Variants in ZMYM6 observed in about 807,000 individuals in gnomAD.
ZMYM6 encodes zinc finger MYM-type containing 6.
A neutral mutation model predicts 134.0 loss-of-function variants in ZMYM6; 90 were observed. The observed-to-expected ratio is 0.67, with a 90% CI of 0.57 to 0.80. ZMYM6 has a LOEUF of 0.80. Ranked by LOEUF, ZMYM6 falls within the 30% of genes least tolerant of loss-of-function variation. ZMYM6 has a pLI of 0.00. For missense variants in ZMYM6, 1,362 were observed against 1,533.9 expected (o/e 0.89, Z 1.87); for synonymous variants, 481 against 524.1 (o/e 0.92, Z 1.12).
rs111811917 is a variant in ZMYM6, at chr1:35,010,987, G to A, written c.1112C>T (p.Ser371Phe). ...KGTNSSAVPL[S>F]QGQVVVSPPS... is the part of the protein sequence containing the mutation. ...CGGGCTTACAACCACTTGGCCCTGAGACAGGGGCACCGCCGAAGAGTTTGT... is the reference window on the plus strand; with the variant it reads ...CGGGCTTACAACCACTTGGCCCTGAAACAGGGGCACCGCCGAAGAGTTTGT... The change falls in exon 9 of 16, where the codon TCT becomes TTT. Residue 371 changes from serine to phenylalanine, a missense_variant. Ser to Phe is a radical substitution (Grantham distance 155, BLOSUM62 -2). Around this residue, in one of 3 missense-constraint regions of ZMYM6, gnomAD observed 503 missense variants for 520.8 expected, o/e 0.97. Coordinates refer to ENST00000357182, the MANE Select transcript of ZMYM6 (RefSeq NM_007167.4). 580 of 1,613,892 alleles carry A rather than the reference G, an allele frequency of 3.6e-4. 1 individual carries two copies. Among genetic ancestry groups the A allele is most frequent in the Non-Finnish European group, 4.7e-4 (550 of 1,180,022 alleles).
chr1:35,001,784 A>G (rs1393383660), intron 14 of ZMYM6, among the ~76,000 whole-genome samples: 1 of 152,208 alleles, frequency 6.6e-6, no homozygotes, highest in Non-Finnish European at 1.5e-5. Flanking sequence ...AGAAATTACT[A>G]TCATCTTCCA....
chr1:35,025,263 T>C (rs1569796987), intron 2 of ZMYM6, among the ~76,000 whole-genome samples: 1 of 149,382 alleles, frequency 6.7e-6, no homozygotes, highest in Admixed American at 6.6e-5. Flanking sequence ...GCAGGTAGAG[T>C]TCGAGACCAG....
intron 14 of ZMYM6, among the ~76,000 whole-genome samples, chr1:34,995,046 T>TACGTATATATATGTAATATATA (rs1557560755): frequency 3.9e-5 from 5 of 129,534 alleles, no homozygotes; most frequent in Non-Finnish European, 6.3e-5. Context: ...ATATATATAC[T>TACGTATATATATGTAATATATA]TACATACGTA....
Position 35,007,190 on chromosome 1 carries a change from A to G in ZMYM6, c.1666-92T>C. On this transcript the variant is annotated intron_variant, in intron 11 of 15. Transcript: ENST00000357182. The stretch of plus-strand genomic sequence containing the variant: ...TAAAAAGAGGGACTACGAAAACAGG[A>G]TATATGAGTCAGTTGAGACTACAAA... 3 of 1,316,242 alleles carry G rather than the reference A, an allele frequency of 2.3e-6. No individual in the cohort carries two copies. In the Admixed American group the frequency reaches 7.9e-5, roughly 35 times the overall value. The allele number at this position is 1,316,242 out of a possible 1,614,324, so 81.5% of individuals were successfully genotyped here.
At chr1:35,004,481 C>CACTT (rs1298826567) in intron 13 of ZMYM6, among the ~76,000 whole-genome samples, 4 of 152,012 alleles carry the variant, frequency 2.6e-5, no homozygotes, top group African/African-American at 9.7e-5. Flanking sequence ...TAGTGGCAGG[C>CACTT]ACTTGTAAAC....
chr1:34,994,526 C>T (rs1640741638), intron 14 of ZMYM6, among the ~76,000 whole-genome samples: 1 of 152,018 alleles, frequency 6.6e-6, no homozygotes, highest in Admixed American at 6.6e-5. Context: ...GAGAATGATA[C>T]ATTTGGAGAG....
intron 2 of ZMYM6, among the ~76,000 whole-genome samples, chr1:35,029,100 G>T (rs1002105462): frequency 6.6e-6 from 1 of 152,218 alleles, no homozygotes. Flanking sequence ...GCTGAGGCAG[G>T]AGAATCACTT....
chr1:35,023,062 T>A (rs1641340764), intron 2 of ZMYM6, among the ~76,000 whole-genome samples: 1 of 152,036 alleles, frequency 6.6e-6, no homozygotes, highest in Non-Finnish European at 1.5e-5. Flanking sequence ...GAATGACATC[T>A]TACAGTTAGT....
intron 10 of ZMYM6, among the ~76,000 whole-genome samples, chr1:35,009,977 T>A (rs1173812024): frequency 6.6e-6 from 1 of 152,114 alleles, no homozygotes; most frequent in Non-Finnish European, 1.5e-5. Flanking sequence ...AAAGATTGAC[T>A]TTAAAGTGAA....
In ZMYM6 at chr1:35,019,520, A is replaced by G. The variant is rs745432007; in HGVS notation, c.261T>C (p.Ala87=). ...TACAACCAGAACAAAAAACCTTAAT[A>G]GCAACAGCTGGAACTGAAGGAAGCA... The part of the protein sequence containing the change: ...SVLLPSVPAV[A]IKVFCSGCKK... Residue 87 remains alanine (A), a synonymous_variant, in exon 4 of 16, where the codon GCT becomes GCC. Coordinates refer to ENST00000357182, the MANE Select transcript of ZMYM6 (RefSeq NM_007167.4). The G allele has an allele frequency of 5.0e-6, 8 of 1,614,214 alleles. No individual in the cohort carries two copies. The highest frequency in any genetic ancestry group is 6.8e-6 in the Non-Finnish European group (8 of 1,180,032).
At chr1:35,027,457 T>C (rs1282611603) in intron 2 of ZMYM6, among the ~76,000 whole-genome samples, 1 of 151,938 alleles carries the variant, frequency 6.6e-6, no homozygotes, top group East Asian at 1.9e-4. Flanking sequence ...AAATGAAAAA[T>C]AATGAAATAG....
chr1:35,010,666 T>A, intron 9 of ZMYM6, 69 bp from the exon 10 acceptor site: 1 of 1,549,482 alleles, frequency 6.5e-7, no homozygotes, highest in Non-Finnish European at 8.7e-7. Context: ...CTCCTTTTCA[T>A]GTCAAAGCAA....
At position 35,019,456 on chromosome 1, in the gene ZMYM6, T is replaced by C. The variant is rs1641265379; in HGVS notation, c.325A>G (p.Thr109Ala). 3.7e-6 allele frequency: 6 copies of C among 1,614,138 alleles called. No individual in the cohort carries two copies. The highest frequency in any genetic ancestry group is 5.1e-6 in the Non-Finnish European group (6 of 1,180,036). Residue 109 changes from threonine (T) to alanine (A), a missense_variant, in exon 4 of 16, where the codon ACA (threonine) becomes GCA (alanine). Transcript: ENST00000357182. ...LYKGQTAYHK[T>A]GSTQLFCSTR... ...GAGCAGAAGAGCTGAGTAGATCCTGTCTTATGATATGCAGTTTGGCCCTTA... is the reference window on the plus strand; with the variant it reads ...GAGCAGAAGAGCTGAGTAGATCCTGCCTTATGATATGCAGTTTGGCCCTTA...
intron 11 of ZMYM6, among the ~76,000 whole-genome samples, chr1:35,007,328 C>T (rs1044110388): frequency 5.3e-5 from 8 of 152,086 alleles, no homozygotes; most frequent in African/African-American, 1.4e-4. Flanking sequence ...TGTGGGATCA[C>T]GCCTGTAATC....
chr1:34,996,141 T>C (rs1640779983), intron 14 of ZMYM6, among the ~76,000 whole-genome samples: 1 of 152,204 alleles, frequency 6.6e-6, no homozygotes, highest in Admixed American at 6.5e-5. Context: ...GTCCCAAATA[T>C]ATAATTTTAA....
chr1:35,024,549 T>G (rs184083619), intron 2 of ZMYM6, among the ~76,000 whole-genome samples: 6 of 152,334 alleles, frequency 3.9e-5, no homozygotes, highest in African/African-American at 1.2e-4. Context: ...TAAGTATCCT[T>G]GGACTCCTCT....
At chr1:35,006,736 T>C (rs190158635) in intron 12 of ZMYM6, among the ~76,000 whole-genome samples, 2 of 152,368 alleles carry the variant, frequency 1.3e-5, no homozygotes, top group African/African-American at 4.8e-5. Context: ...ATATACATTA[T>C]TGGCCTTTTG....
At chr1:35,018,525 G>C (rs766848370) in intron 4 of ZMYM6, 1 of 150,876 alleles carries the variant, frequency 6.6e-6, no homozygotes, top group African/African-American at 2.4e-5. Flanking sequence ...ATAAATAATC[G>C]CACGATATAA....
In ZMYM6 at chr1:34,993,045, G is replaced by GA. The variant is rs1165424101; in HGVS notation, c.1993-659dup. Among the ~76,000 whole-genome samples the GA allele has an allele frequency of 2.7e-5, 4 of 146,532 alleles. No homozygotes were observed. The South Asian group carries it at 8.5e-4, about 31-fold the overall frequency. On this transcript the variant is annotated intron_variant, in intron 14 of 15. Coordinates refer to ENST00000357182, the MANE Select transcript of ZMYM6 (RefSeq NM_007167.4). ...TTCCACATCAATTAAAGATCTCAGG[G>GA]AAAAAAAAAGAACTAAAGTCACTAG...
Sources: allele counts gnomAD v4.1 joint callset (sites outside exome capture counted in the v4.1 genomes callset), GRCh38; gene constraint gnomAD v4.1.1; regional missense constraint gnomAD v4.1.1; transcripts MANE v1.5; gene names NCBI Gene and HGNC (gene_info 2026-07-23, HGNC 2026-07-21).